FHIP1A: variants seen among roughly 807,000 people sequenced by gnomAD.
The protein encoded by FHIP1A is FHF complex subunit HOOK interacting protein 1A.
Under a neutral mutation model 88.6 loss-of-function variants are expected in FHIP1A, and 61 were observed. The ratio of observed to expected loss-of-function variants is 0.69; its 90% CI spans 0.56 to 0.85. The LOEUF is 0.85. FHIP1A is among the 40% of genes least tolerant of loss of function. The pLI is 0.00. For synonymous variants in FHIP1A, 478 were observed against 496.0 expected, an observed-to-expected ratio of 0.96 and a Z score of 0.48; for missense variants, 1,154 against 1,273.5, an observed-to-expected ratio of 0.91 and a Z score of 1.43.
At chr4:151,504,609 CATGTT>C (rs1299912191) in intron 3 of FHIP1A, among the ~76,000 whole-genome samples, 1 of 56,456 alleles carries the variant, frequency 1.8e-5, no homozygotes. Context: ...TATGTTATGT[CATGTT>C]ATGTTATGTC....
At chr4:151,468,134 A>C (rs1285127985) in intron 2 of FHIP1A, among the ~76,000 whole-genome samples, 1 of 151,734 alleles carries the variant, frequency 6.6e-6, no homozygotes, top group African/African-American at 2.4e-5. Flanking sequence ...AATACAAAAA[A>C]ATTAGCTGGG....
intron 1 of FHIP1A, among the ~76,000 whole-genome samples, chr4:151,448,693 TTA>T (rs1407024874): frequency 5.3e-5 from 8 of 152,236 alleles, no homozygotes; most frequent in Admixed American, 5.2e-4. Context: ...CATATTTTGT[TTA>T]TCATCTATCG....
intron 8 of FHIP1A, among the ~76,000 whole-genome samples, chr4:151,630,399 TA>T (rs1343959863): frequency 6.6e-6 from 1 of 152,188 alleles, no homozygotes; most frequent in Non-Finnish European, 1.5e-5. Context: ...ATTCTTGTTT[TA>T]AAAGCAAAAG....
rs567732379 is a variant in FHIP1A, at chr4:151,452,474, C to T, written c.-355-2227C>T. The stretch of plus-strand genomic sequence containing the variant: ...GGCATGGTGGTTCACACCTGTAATT[C>T]CAGCACTTTGGGAGGCTGAGGTGGG... On this transcript the variant is annotated intron_variant, in intron 1 of 13. Coordinates refer to ENST00000435205, the MANE Select transcript of FHIP1A (RefSeq NM_001109977.3). Among the ~76,000 whole-genome samples the T allele has an allele frequency of 2.6e-5, 4 of 152,228 alleles. No individual in the cohort carries two copies. In the South Asian group the frequency reaches 8.3e-4, roughly 32 times the overall value.
chr4:151,479,682 A>T (rs555396720), intron 2 of FHIP1A, among the ~76,000 whole-genome samples: 9 of 151,936 alleles, frequency 5.9e-5, no homozygotes, highest in Non-Finnish European at 7.4e-5. Context: ...TGTGCACCCC[A>T]CCCACATTTG....
At chr4:151,526,718 C>G (rs1205168592) in intron 3 of FHIP1A, among the ~76,000 whole-genome samples, 2 of 152,032 alleles carry the variant, frequency 1.3e-5, no homozygotes, top group Non-Finnish European at 2.9e-5. Flanking sequence ...ACGCTCCTCA[C>G]TTCCCAGACG....
At chr4:151,524,301 CAAA>C (rs5862962) in intron 3 of FHIP1A, among the ~76,000 whole-genome samples, 4 of 136,566 alleles carry the variant, frequency 2.9e-5, no homozygotes, top group Admixed American at 7.5e-5. Context: ...GAATCTGTCT[CAAA>C]AAAAAAAAAA....
At chr4:151,582,104 T>C (rs1253427514) in intron 5 of FHIP1A, among the ~76,000 whole-genome samples, 1 of 152,164 alleles carries the variant, frequency 6.6e-6, no homozygotes, top group Admixed American at 6.5e-5. Flanking sequence ...AATCAAGTGA[T>C]GCAAATTAAA....
At chr4:151,441,430 G>A (rs1356693201) in intron 1 of FHIP1A, among the ~76,000 whole-genome samples, 1 of 151,632 alleles carries the variant, frequency 6.6e-6, no homozygotes, top group Non-Finnish European at 1.5e-5. Context: ...TGCAAAAATA[G>A]AACATTGGCA....
chr4:151,518,884 G>C (rs936267779), intron 3 of FHIP1A, among the ~76,000 whole-genome samples: 3 of 151,902 alleles, frequency 2.0e-5, no homozygotes, highest in African/African-American at 7.3e-5. Flanking sequence ...ACATCGATAT[G>C]TTGTCCAGGC....
rs919791494 is a variant in FHIP1A at position 151,542,979 on chromosome 4, G to C, written c.-122-23159G>C. Among the ~76,000 whole-genome samples the C allele has an allele frequency of 2.0e-5, 3 of 152,170 alleles. No homozygotes were observed. The South Asian group carries it at 6.2e-4, about 32-fold the overall frequency. On this transcript the variant is annotated intron_variant, in intron 3 of 13. Coordinates refer to ENST00000435205, the MANE Select transcript of FHIP1A (RefSeq NM_001109977.3). ...CACAGTAAGAATTTAGCAAAAGGGT[G>C]AACTACTATTGTTATTATGTTGCCT...
chr4:151,527,088 C>T (rs1489672729), intron 3 of FHIP1A, among the ~76,000 whole-genome samples: 7 of 151,532 alleles, frequency 4.6e-5, no homozygotes, highest in African/African-American at 1.2e-4. Context: ...GATGGGCGGC[C>T]GGGCAGAGAC....
At position 151,568,940 on chromosome 4, in the gene FHIP1A, G is replaced by A. The variant is rs572237672; in HGVS notation, c.105+2576G>A. Among the ~76,000 whole-genome samples, 3 of 152,274 alleles carry A rather than the reference G, an allele frequency of 2.0e-5. No homozygotes were observed. The South Asian group carries it at 6.2e-4, about 32-fold the overall frequency. On this transcript the variant is annotated intron_variant, in intron 4 of 13. Coordinates refer to ENST00000435205, the MANE Select transcript of FHIP1A (RefSeq NM_001109977.3). ...GCCAGGCAGAGATGTGGGACCAAAAGTAAGATAAGGAATGAGATCTTCAGC... is the reference window on the plus strand; with the variant it reads ...GCCAGGCAGAGATGTGGGACCAAAAATAAGATAAGGAATGAGATCTTCAGC...
intron 13 of FHIP1A, among the ~76,000 whole-genome samples, chr4:151,657,369 A>C (rs1442338730): frequency 4.6e-5 from 7 of 152,182 alleles, no homozygotes; most frequent in Non-Finnish European, 1.0e-4. Context: ...CACAAAACAA[A>C]AAAACGGTTT....
rs1380931081 is a variant in FHIP1A, at chr4:151,666,308, G to A, written c.*3554G>A. 6.6e-6 allele frequency among the ~76,000 whole-genome samples: 1 copy of A among 152,112 alleles called. No homozygotes were observed. The highest frequency in any genetic ancestry group is 1.5e-5 in the Non-Finnish European group (1 of 68,020). The stretch of plus-strand genomic sequence containing the variant: ...TACCATTAGATACCTCCTTTCCCTG[G>A]TATTTAGAGGAATTGTGAAGTGGTC... On this transcript the variant is annotated 3_prime_UTR_variant, in exon 14 of 14. Transcript: ENST00000435205.
intron 11 of FHIP1A, among the ~76,000 whole-genome samples, chr4:151,651,001 G>A (rs916844356): frequency 6.6e-6 from 1 of 152,034 alleles, no homozygotes; most frequent in Admixed American, 6.5e-5. Flanking sequence ...GCTCTGTGAG[G>A]GTGGAGCTCT....
chr4:151,556,532 A>C (rs991090704), intron 3 of FHIP1A, among the ~76,000 whole-genome samples: 1 of 152,176 alleles, frequency 6.6e-6, no homozygotes, highest in African/African-American at 2.4e-5. Context: ...TTTCTATGAA[A>C]GCAGGAAATA....
At chr4:151,631,122 G>A (rs1030068850) in intron 8 of FHIP1A, among the ~76,000 whole-genome samples, 10 of 151,762 alleles carry the variant, frequency 6.6e-5, no homozygotes, top group African/African-American at 2.4e-4. Flanking sequence ...AAACAAAGCA[G>A]GCAGAAAGAA....
Position 151,577,841 on chromosome 4 carries a change from T to C in FHIP1A, c.497T>C (p.Leu166Pro). 6.4e-7 allele frequency: 1 copy of C among 1,551,996 alleles called. No individual in the cohort carries two copies. The highest frequency in any genetic ancestry group is 1.2e-5 in the South Asian group (1 of 84,040). The part of the protein sequence containing the change: ...PTVEEKLVVL[L>P]NQLCSILAKD... ...GTGGAGGAGAAGCTGGTTGTCCTAC[T>C]CAATCAGCTCTGTTCCATTCTTGCC... is the stretch of plus-strand genomic sequence containing the variant. Residue 166 changes from leucine (L) to proline (P), a missense_variant, in exon 5 of 14, where the codon CTC becomes CCC. Leu to Pro is a moderately conservative substitution (Grantham distance 98). Coordinates refer to ENST00000435205, the MANE Select transcript of FHIP1A (RefSeq NM_001109977.3).
Sources: allele counts gnomAD v4.1 joint callset (sites outside exome capture counted in the v4.1 genomes callset), GRCh38; gene constraint gnomAD v4.1.1; transcripts MANE v1.5; gene names NCBI Gene and HGNC (gene_info 2026-07-23, HGNC 2026-07-21).